AFF1: variants seen among roughly 807,000 people sequenced by gnomAD.
The protein encoded by AFF1 is AF4/FMR2 family member 1.
A neutral mutation model predicts 121.7 loss-of-function variants in AFF1; 48 were observed. The ratio of observed to expected loss-of-function variants is 0.39; its 90% CI spans 0.31 to 0.50. The LOEUF (loss-of-function observed/expected upper bound fraction) is 0.50, where lower values mean the gene tolerates loss of function less well. Ranked by LOEUF, AFF1 falls within the 20% of genes least tolerant of loss-of-function variation. AFF1 has a pLI of 0.76. For synonymous variants in AFF1, 613 were observed against 563.0 expected, an observed-to-expected ratio of 1.09 and a Z score of -1.26; for missense variants, 1,523 against 1,511.7, an observed-to-expected ratio of 1.01 and a Z score of -0.12.
At chr4:87,075,952 G>A (rs1722632353) in intron 4 of AFF1, among the ~76,000 whole-genome samples, 1 of 152,176 alleles carries the variant, frequency 6.6e-6, no homozygotes, top group African/African-American at 2.4e-5. Context: ...AATATTAAAT[G>A]AGTCTAGAAT....
At chr4:86,999,589 C>T (rs930438244) in intron 2 of AFF1, among the ~76,000 whole-genome samples, 20 of 152,126 alleles carry the variant, frequency 1.3e-4, no homozygotes, top group Non-Finnish European at 4.4e-5. Context: ...CTTGGAGTTA[C>T]AGAGAGAAGT....
chr4:87,108,242 C>T lies in AFF1; in HGVS notation c.1460C>T (p.Ser487Phe), dbSNP rs1341460820. The change falls in exon 11 of 21, where the codon TCC becomes TTC. Residue 487 changes from serine (S) to phenylalanine (F), a missense_variant. Physicochemically the swap from Ser to Phe is radical, Grantham distance 155. This residue lies in a region of AFF1 where 905 missense variants were observed against 842.5 expected (regional missense o/e 1.07). Coordinates refer to ENST00000395146, the MANE Select transcript of AFF1 (RefSeq NM_001166693.3). ...ESESTSDSDS[S>F]SDSESESSSS... is the part of the protein sequence containing the mutation. Reference sequence around the variant, plus strand: ...GAAAGCACCAGTGACTCAGACAGTTCCTCAGACTCAGAGAGCGAGAGCAGT... The same window carrying T: ...GAAAGCACCAGTGACTCAGACAGTTTCTCAGACTCAGAGAGCGAGAGCAGT... 1 of 1,614,114 alleles carries T rather than the reference C, an allele frequency of 6.2e-7. No homozygotes were observed. Among genetic ancestry groups the T allele is most frequent in the South Asian group, 1.1e-5 (1 of 91,066 alleles).
chr4:86,938,136 TAG>T (rs1379083108), intron 1 of AFF1, among the ~76,000 whole-genome samples: 1 of 152,108 alleles, frequency 6.6e-6, no homozygotes, highest in South Asian at 2.1e-4. Context: ...GAAAGTATGT[TAG>T]AGAGAGTGCA....
chr4:87,114,407 G>A lies in AFF1; in HGVS notation c.1574G>A (p.Trp525Ter), dbSNP rs560330780. 6.2e-7 allele frequency: 1 copy of A among 1,606,814 alleles called. No homozygotes were observed. The highest frequency in any genetic ancestry group is 1.7e-5 in the Admixed American group (1 of 57,790). Reference protein sequence around the residue: ...PTTNKWQLDNWLTKVSQPAAP... With the variant: ...PTTNKWQLDN ...ACAAACAAATGGCAGCTGGACAACT[G>A]GCTGACCAAAGTCAGCCAGCCAGCT... Residue 525 changes from tryptophan (W) to a stop codon, truncating the protein, a stop_gained, in exon 12 of 21, where the codon TGG (tryptophan) becomes TAG (stop). Transcript: ENST00000395146. LOFTEE classifies it high-confidence loss of function.
At chr4:86,974,041 C>T (rs1419354354) in intron 2 of AFF1, 1 of 152,212 alleles carries the variant, frequency 6.6e-6, no homozygotes, top group Non-Finnish European at 1.5e-5. Context: ...AGCAAAGTGT[C>T]ACGGATGAAA....
chr4:87,077,625 ACTTT>A (rs141679863), intron 4 of AFF1, among the ~76,000 whole-genome samples: 3,269 of 151,918 alleles, frequency 0.022, 123 homozygotes, highest in African/African-American at 0.074. Flanking sequence ...TGATGTTAGG[ACTTT>A]CTTGTGTATC....
chr4:87,025,222 T>C (rs934883987), intron 2 of AFF1, among the ~76,000 whole-genome samples: 5 of 152,232 alleles, frequency 3.3e-5, no homozygotes, highest in Non-Finnish European at 7.3e-5. Flanking sequence ...GGACTCCAGC[T>C]GTGTATATTC....
chr4:87,092,934 G>T (rs1168785417), intron 7 of AFF1, among the ~76,000 whole-genome samples: 2 of 152,128 alleles, frequency 1.3e-5, no homozygotes, highest in African/African-American at 4.8e-5. Flanking sequence ...TCAGCCGTGG[G>T]TGGGGTTGCT....
chr4:87,068,614 C>T (rs1381309086), intron 4 of AFF1, among the ~76,000 whole-genome samples: 2 of 152,142 alleles, frequency 1.3e-5, no homozygotes, highest in African/African-American at 2.4e-5. Flanking sequence ...GTGCTTTGCA[C>T]GAATCAAAAC....
At chr4:86,963,984 T>TTTTTTTTTC (rs1553910103) in intron 2 of AFF1, among the ~76,000 whole-genome samples, 1 of 144,352 alleles carries the variant, frequency 6.9e-6, no homozygotes, top group East Asian at 2.0e-4. Context: ...TTTTTTTTTT[T>TTTTTTTTTC]AGTACAATTT....
intron 4 of AFF1, among the ~76,000 whole-genome samples, chr4:87,080,229 T>A (rs1723036657): frequency 6.6e-6 from 1 of 152,114 alleles, no homozygotes; most frequent in African/African-American, 2.4e-5. Context: ...AAAGGCAGTG[T>A]TTTGTGGTCA....
chr4:86,942,631 T>A (rs949737575), intron 1 of AFF1, among the ~76,000 whole-genome samples: 3 of 152,220 alleles, frequency 2.0e-5, no homozygotes, highest in Admixed American at 2.0e-4. Flanking sequence ...TTTACCTGCT[T>A]CCTTTAAAGC....
At chr4:87,085,527 T>C (rs942108802) in intron 5 of AFF1, among the ~76,000 whole-genome samples, 6 of 152,062 alleles carry the variant, frequency 3.9e-5, no homozygotes, top group Non-Finnish European at 8.8e-5. Context: ...TCAAAATACA[T>C]TTACTCAATT....
intron 8 of AFF1, 51 bp downstream of exon 8, chr4:87,095,020 T>C (rs768549996): frequency 7.9e-6 from 12 of 1,527,934 alleles, no homozygotes; most frequent in Middle Eastern, 1.7e-4. Context: ...GAAATTGTAA[T>C]GTCTCATGTC....
Position 87,013,201 on chromosome 4 carries a change from C to T in AFF1, c.39-32965C>T, listed in dbSNP as rs562082538. ...GAATACAGGCATGCTCCACCAAGCC[C>T]GGCTAATTTTGTATTTTTAGTAGAG... On this transcript the variant is annotated intron_variant, in intron 2 of 20. Coordinates refer to ENST00000395146, the MANE Select transcript of AFF1 (RefSeq NM_001166693.3). Among the ~76,000 whole-genome samples the T allele has an allele frequency of 9.0e-4, 127 of 141,728 alleles. 2 individuals are homozygous for T. Among genetic ancestry groups the T allele is most frequent in the Admixed American group, 4.1e-3 (59 of 14,490 alleles). 93.0% of individuals were successfully genotyped at this position (141,728 alleles called of 152,430 possible).
intron 20 of AFF1, among the ~76,000 whole-genome samples, chr4:87,135,238 C>T (rs376202563): frequency 2.0e-5 from 3 of 152,054 alleles, no homozygotes; most frequent in Non-Finnish European, 2.9e-5. Flanking sequence ...TACTTACTTT[C>T]GACATAGAGC....
At chr4:86,943,934 C>T (rs925616082) in intron 1 of AFF1, among the ~76,000 whole-genome samples, 2 of 150,414 alleles carry the variant, frequency 1.3e-5, no homozygotes, top group Non-Finnish European at 3.0e-5. Context: ...GCACTCCAGC[C>T]TGGGCAACAA....
chr4:87,130,024 G>C (rs1728669361), intron 16 of AFF1, among the ~76,000 whole-genome samples: 1 of 150,666 alleles, frequency 6.6e-6, no homozygotes. Flanking sequence ...ACCCAGGCTG[G>C]AGTGCAATGG....
intron 6 of AFF1, among the ~76,000 whole-genome samples, chr4:87,091,083 ATTTAC>A (rs1724258704): frequency 6.8e-6 from 1 of 147,712 alleles, no homozygotes; most frequent in Non-Finnish European, 1.5e-5. Flanking sequence ...TACTTTATAT[ATTTAC>A]TTATTTTCTA....
Sources: allele counts gnomAD v4.1 joint callset (sites outside exome capture counted in the v4.1 genomes callset), GRCh38; gene constraint gnomAD v4.1.1; regional missense constraint gnomAD v4.1.1; transcripts MANE v1.5; gene names NCBI Gene and HGNC (gene_info 2026-07-23, HGNC 2026-07-21).